The following UBE3A variants were observed in gnomAD, a reference collection of about 807,000 sequenced individuals.
UBE3A encodes ubiquitin protein ligase E3A.
In UBE3A, 6 loss-of-function variants were observed where a neutral mutation model predicts 83.4. The observed-to-expected ratio is 0.07, with a 90% CI of 0.04 to 0.14. The LOEUF is 0.14. Ranked by LOEUF, UBE3A falls within the 10% of genes least tolerant of loss-of-function variation. The pLI, the probability that UBE3A is intolerant of heterozygous loss-of-function variation, is 1.00. For synonymous variants in UBE3A, 337 were observed against 355.4 expected (o/e 0.95, Z 0.58); for missense variants, 456 against 1,036.1 (o/e 0.44, Z 7.69).
intron 4 of UBE3A, among the ~76,000 whole-genome samples, chr15:25,399,713 T>A (rs950320298): frequency 4.6e-5 from 7 of 151,706 alleles, no homozygotes; most frequent in South Asian, 2.1e-4. Flanking sequence ...GGACTACAGA[T>A]ACACAGCACC....
chr15:25,366,280 T>G (rs1041063021), intron 6 of UBE3A, among the ~76,000 whole-genome samples: 5 of 152,212 alleles, frequency 3.3e-5, no homozygotes, highest in African/African-American at 1.2e-4. Context: ...ACATACCTAG[T>G]GCAGCACAGA....
intron 3 of UBE3A, chr15:25,407,750 G>A (rs914487453): frequency 1.3e-5 from 2 of 152,110 alleles, no homozygotes; most frequent in Non-Finnish European, 2.9e-5. Flanking sequence ...TAGCAAAGTT[G>A]TTCTACTCAA....
intron 1 of UBE3A, among the ~76,000 whole-genome samples, chr15:25,427,316 G>A (rs1891610231): frequency 1.3e-5 from 2 of 151,820 alleles, no homozygotes; most frequent in Non-Finnish European, 2.9e-5. Context: ...GACTCTCAAG[G>A]AAGGCTTCCC....
At position 25,364,583 on chromosome 15, in the gene UBE3A, C is replaced by A. The variant is rs188411535; in HGVS notation, c.1609-4056G>T. 1.9e-3 allele frequency among the ~76,000 whole-genome samples: 292 copies of A among 151,322 alleles called. 1 individual carries two copies. Among genetic ancestry groups the A allele is most frequent in the African/African-American group, 6.7e-3 (275 of 41,192 alleles). ...TGTCTAAACATTCTGAAAAGGAGAA[C>A]GTGCATGCATGCCTGAATTTATTTA... is the stretch of plus-strand genomic sequence containing the variant. On this transcript the variant is annotated intron_variant, in intron 6 of 12. Transcript: ENST00000648336.
rs561645724 is a variant in UBE3A, at chr15:25,411,149, T to C, written c.-101+759A>G. ...CTTATGTCTCTGTTTGGTCATTCAC[T>C]AGCTGAGAAATCTTGGGCAAGTTAC... On this transcript the variant is annotated intron_variant, in intron 2 of 12. Coordinates refer to ENST00000648336, the MANE Select transcript of UBE3A (RefSeq NM_130839.5). Among the ~76,000 whole-genome samples the C allele has an allele frequency of 2.6e-5, 4 of 152,340 alleles. No homozygotes were observed. In the East Asian group the frequency reaches 7.7e-4, roughly 29 times the overall value.
At chr15:25,355,110 A>G (rs1190638041) in intron 9 of UBE3A, among the ~76,000 whole-genome samples, 1 of 151,854 alleles carries the variant, frequency 6.6e-6, no homozygotes, top group Non-Finnish European at 1.5e-5. Flanking sequence ...TAGGTATGTA[A>G]ACAGACACAT....
intron 4 of UBE3A, among the ~76,000 whole-genome samples, chr15:25,387,775 GA>G (rs2083445848): frequency 6.6e-6 from 1 of 152,084 alleles, no homozygotes; most frequent in African/African-American, 2.4e-5. Context: ...ATATCAGAAT[GA>G]AAAGAGTGGA....
chr15:25,398,867 TTTTAA>T (rs1210586443), intron 4 of UBE3A, among the ~76,000 whole-genome samples: 1 of 144,026 alleles, frequency 6.9e-6, no homozygotes, highest in African/African-American at 2.5e-5. Flanking sequence ...TAGTTCTATT[TTTTAA>T]TTTCTGAGCA....
At chr15:25,367,160 T>C (rs1043995268) in intron 6 of UBE3A, among the ~76,000 whole-genome samples, 6 of 147,340 alleles carry the variant, frequency 4.1e-5, no homozygotes, top group African/African-American at 1.0e-4. Context: ...AACACACAAA[T>C]GGGTATATTT....
intron 1 of UBE3A, among the ~76,000 whole-genome samples, chr15:25,425,831 T>C (rs1229854102): frequency 1.3e-5 from 2 of 152,170 alleles, no homozygotes; most frequent in African/African-American, 4.8e-5. Flanking sequence ...AATGTAAAAA[T>C]GTTAGAATTC....
At chr15:25,434,618 T>G (rs1017602153) in intron 1 of UBE3A, among the ~76,000 whole-genome samples, 2 of 152,262 alleles carry the variant, frequency 1.3e-5, no homozygotes, top group Admixed American at 1.3e-4. Context: ...ATTAATAGTG[T>G]ACAAAACACT....
chr15:25,347,860 T>C (rs1230952360), intron 11 of UBE3A, among the ~76,000 whole-genome samples: 1 of 152,000 alleles, frequency 6.6e-6, no homozygotes, highest in Non-Finnish European at 1.5e-5. Context: ...GGCAGACCTC[T>C]CCCTAACATA....
At chr15:25,362,663 G>A (rs2078311225) in intron 6 of UBE3A, among the ~76,000 whole-genome samples, 1 of 152,098 alleles carries the variant, frequency 6.6e-6, no homozygotes, top group Non-Finnish European at 1.5e-5. Flanking sequence ...AGTTTCAGTT[G>A]GAAACCTGTT....
At chr15:25,354,239 G>A in intron 11 of UBE3A, 114 bp downstream of exon 11, 1 of 867,692 alleles carries the variant, frequency 1.2e-6, no homozygotes, top group South Asian at 1.4e-5. Context: ...GTATATAGAT[G>A]ACAATTTGTG....
At chr15:25,366,951 A>T (rs2079206995) in intron 6 of UBE3A, among the ~76,000 whole-genome samples, 1 of 151,600 alleles carries the variant, frequency 6.6e-6, no homozygotes, top group Non-Finnish European at 1.5e-5. Context: ...TTATTTATTT[A>T]TTTATTTATT....
intron 11 of UBE3A, chr15:25,346,471 T>C (rs2075712547): frequency 6.6e-6 from 1 of 152,074 alleles, no homozygotes; most frequent in African/African-American, 2.4e-5. Context: ...ATAACTAAAA[T>C]GTCCGAGACA....
In UBE3A at chr15:25,338,335, G is replaced by C. The variant is rs941502894; in HGVS notation, c.*802C>G. 26 of 149,700 alleles carry C rather than the reference G, an allele frequency of 1.7e-4. No homozygotes were observed. The highest frequency in any genetic ancestry group is 6.4e-4 in the African/African-American group (26 of 40,684). 9.3% of individuals were successfully genotyped at this position (149,700 alleles called of 1,614,324 possible). A position where few individuals can be genotyped will look rare whatever the true frequency, so the allele number is the denominator to read the frequency against. ...CTTAAAACAACAACGAGAACAACAAGAACAAAAATCCCTGTCCTTTCATAT... is the reference window on the plus strand; with the variant it reads ...CTTAAAACAACAACGAGAACAACAACAACAAAAATCCCTGTCCTTTCATAT... On this transcript the variant is annotated 3_prime_UTR_variant, in exon 13 of 13. Transcript: ENST00000648336.
At chr15:25,394,522 G>C (rs2085117096) in intron 4 of UBE3A, among the ~76,000 whole-genome samples, 1 of 152,168 alleles carries the variant, frequency 6.6e-6, no homozygotes, top group African/African-American at 2.4e-5. Context: ...TTATAGATGT[G>C]TAAGTACACC....
intron 1 of UBE3A, among the ~76,000 whole-genome samples, chr15:25,428,495 T>A (rs1224252710): frequency 6.6e-6 from 1 of 152,214 alleles, no homozygotes; most frequent in Non-Finnish European, 1.5e-5. Flanking sequence ...ATTTTACTCT[T>A]ATTCTGGTAA....
Sources: allele counts gnomAD v4.1 joint callset (sites outside exome capture counted in the v4.1 genomes callset), GRCh38; gene constraint gnomAD v4.1.1; transcripts MANE v1.5; gene names NCBI Gene and HGNC (gene_info 2026-07-23, HGNC 2026-07-21).